Variants in CNTRL observed in about 807,000 individuals in gnomAD.
CNTRL encodes centriolin, also known as 110 kDa centrosomal protein.
CNTRL carries 233 observed loss-of-function variants against 303.7 expected under a neutral mutation model. That is an observed-to-expected ratio of 0.77 (90% CI 0.69 to 0.86). CNTRL has a LOEUF of 0.86. Among genes scored for constraint, CNTRL ranks in the 40% least tolerant of loss-of-function variants. The probability of loss-of-function intolerance (pLI) is 0.00; values close to 1 mark genes in which losing one functional copy is unlikely to be tolerated. For synonymous variants in CNTRL, 900 were observed against 922.2 expected (o/e 0.98, Z 0.44); for missense variants, 2,524 against 2,650.6 (o/e 0.95, Z 1.05).
At chr9:121,171,880 T>C (rs1180881618) in intron 40 of CNTRL, among the ~76,000 whole-genome samples, 2 of 152,118 alleles carry the variant, frequency 1.3e-5, no homozygotes, top group Non-Finnish European at 2.9e-5. Flanking sequence ...AGCCAAAACC[T>C]CCCCTACCCC....
chr9:121,148,794 C>G lies in CNTRL; in HGVS notation c.3582C>G (p.Pro1194=), dbSNP rs559653981. 1.2e-5 allele frequency: 19 copies of G among 1,614,018 alleles called. No individual in the cohort carries two copies. In the South Asian group the frequency reaches 2.0e-4, roughly 17 times the overall value. ...ATGGGAAGGAAGGCAGTCAACCTCC[C>G]CCTGCCTCAGGATACTGGGTTTATT... is the stretch of plus-strand genomic sequence containing the variant. ...QQDGKEGSQP[P]PASGYWVYSP... is the part of the protein sequence containing the mutation. The change falls in exon 24 of 44, where the codon CCC becomes CCG. Residue 1194 remains proline (P), a synonymous_variant. Coordinates refer to ENST00000373855, the MANE Select transcript of CNTRL (RefSeq NM_007018.6).
intron 4 of CNTRL, among the ~76,000 whole-genome samples, chr9:121,092,552 CTA>C (rs1311936602): frequency 6.7e-5 from 1 of 14,950 alleles, no homozygotes; most frequent in African/African-American, 2.1e-4. Context: ...TTATATATAT[CTA>C]TATATATAAT....
At chr9:121,104,976 C>T (rs2049393797) in intron 7 of CNTRL, among the ~76,000 whole-genome samples, 2 of 152,176 alleles carry the variant, frequency 1.3e-5, no homozygotes, top group Admixed American at 1.3e-4. Flanking sequence ...TCCCAAAGTG[C>T]TGGCATTACA....
intron 6 of CNTRL, among the ~76,000 whole-genome samples, chr9:121,097,989 T>G (rs909871312): frequency 1.3e-5 from 2 of 152,198 alleles, no homozygotes; most frequent in Non-Finnish European, 2.9e-5. Context: ...ACTATTCATT[T>G]TTTTGATTTG....
At chr9:121,144,730 T>C (rs1200017939) in intron 20 of CNTRL, 113 bp from the exon 21 acceptor site, 2 of 854,392 alleles carry the variant, frequency 2.3e-6, no homozygotes, top group African/African-American at 1.7e-5. Context: ...TCCCTTTTCA[T>C]GGACAGCCTG....
chr9:121,161,649 G>A (rs2052859401), intron 32 of CNTRL: 1 of 501,848 alleles, frequency 2.0e-6, no homozygotes, highest in African/African-American at 2.0e-5. Flanking sequence ...CACCTGGCTT[G>A]TTAAAATGTT....
intron 8 of CNTRL, among the ~76,000 whole-genome samples, chr9:121,108,509 T>C (rs77973340): frequency 6.6e-6 from 1 of 152,284 alleles, no homozygotes; most frequent in African/African-American, 2.4e-5. Context: ...GTTATTGATA[T>C]GTTTGTGCTG....
intron 27 of CNTRL, among the ~76,000 whole-genome samples, chr9:121,155,233 A>G (rs2052507227): frequency 6.6e-6 from 1 of 152,132 alleles, no homozygotes; most frequent in African/African-American, 2.4e-5. Context: ...TCCTGTGTGT[A>G]TCTTTTATAT....
chr9:121,146,686 A>G (rs1036157213), intron 23 of CNTRL, among the ~76,000 whole-genome samples: 2 of 152,220 alleles, frequency 1.3e-5, no homozygotes, highest in Admixed American at 1.3e-4. Flanking sequence ...CCCTGCTCTC[A>G]AAGAGTTCAT....
chr9:121,174,733 C>T (rs1057489479), intron 42 of CNTRL, among the ~76,000 whole-genome samples: 1 of 152,034 alleles, frequency 6.6e-6, no homozygotes, highest in Non-Finnish European at 1.5e-5. Flanking sequence ...AGAGATGAGG[C>T]AATAATTTAA....
Position 121,098,660 on chromosome 9 carries a change from TAATGCTATTAA to T in CNTRL, c.808+93_808+103del. The T allele has an allele frequency of 3.5e-6, 3 of 848,426 alleles. No homozygotes were observed. The South Asian group carries it at 5.6e-5, about 16-fold the overall frequency. 52.6% of individuals were successfully genotyped at this position (848,426 alleles called of 1,614,324 possible). ...CTAGAAATATGTATCATGAACTTTA[TAATGCTATTAA>T]AATGTACATGGGAAATGGCAGCATA... On this transcript the variant is annotated intron_variant, in intron 7 of 43. Coordinates refer to ENST00000373855, the MANE Select transcript of CNTRL (RefSeq NM_007018.6).
Position 121,168,081 on chromosome 9 carries a change from T to G in CNTRL, c.5845-15T>G, listed in dbSNP as rs2053163341. On this transcript the variant is annotated splice_polypyrimidine_tract_variant and intron_variant, in intron 37 of 43. Coordinates refer to ENST00000373855, the MANE Select transcript of CNTRL (RefSeq NM_007018.6). ...TTTGTTGTTTAATGACTAATCAAGA[T>G]TATTCTTTATTAAGATGTTTCAGAG... 1 of 1,589,834 alleles carries G rather than the reference T, an allele frequency of 6.3e-7. No individual in the cohort carries two copies. Among genetic ancestry groups the G allele is most frequent in the Non-Finnish European group, 8.6e-7 (1 of 1,162,812 alleles).
chr9:121,171,454 T>C lies in CNTRL; in HGVS notation c.6323T>C (p.Ile2108Thr), dbSNP rs756939185. ...NSCIQKEMAT[I>T]ELVAQDNHER... ...TGCATACAAAAGGAAATGGCAACAA[T>C]TGAACTGGTAGCCCAGGACAACCAT... Residue 2108 changes from isoleucine to threonine, a missense_variant, in exon 40 of 44, where the codon ATT becomes ACT. Ile to Thr is a moderately conservative substitution (Grantham distance 89, BLOSUM62 -1). Coordinates refer to ENST00000373855, the MANE Select transcript of CNTRL (RefSeq NM_007018.6). 4 of 1,613,928 alleles carry C rather than the reference T, an allele frequency of 2.5e-6. No homozygotes were observed. The highest frequency in any genetic ancestry group is 1.3e-5 in the African/African-American group (1 of 74,888).
chr9:121,111,784 A>G (rs1227379595), intron 8 of CNTRL, among the ~76,000 whole-genome samples: 2 of 152,130 alleles, frequency 1.3e-5, no homozygotes, highest in Non-Finnish European at 2.9e-5. Flanking sequence ...AAATTCAGAG[A>G]ATTAGATTGG....
intron 12 of CNTRL, among the ~76,000 whole-genome samples, chr9:121,123,193 G>A (rs931740143): frequency 6.6e-6 from 1 of 151,988 alleles, no homozygotes; most frequent in Non-Finnish European, 1.5e-5. Flanking sequence ...TTCCACCCAG[G>A]TATAATTCTT....
chr9:121,122,386 G>A, intron 12 of CNTRL: 1 of 985,046 alleles, frequency 1.0e-6, no homozygotes, highest in Non-Finnish European at 1.2e-6. Context: ...CCACTCTTTT[G>A]TTCATCAGAA....
In CNTRL at chr9:121,171,532, C is replaced by T. The variant is rs538492450; in HGVS notation, c.6401C>T (p.Thr2134Met). Reference protein sequence around the residue: ...KELNQMQYEYTELKKQMANQK... With the variant: ...KELNQMQYEYMELKKQMANQK... ...CTCAACCAGATGCAGTATGAGTACA[C>T]GGAGCTCAAGAAACAGGTGTGTGCC... The change falls in exon 40 of 44, where the codon ACG becomes ATG. Residue 2134 changes from threonine (T) to methionine (M), a missense_variant. Transcript: ENST00000373855. 16 of 1,613,590 alleles carry T rather than the reference C, an allele frequency of 9.9e-6. No individual in the cohort carries two copies. Among genetic ancestry groups the T allele is most frequent in the South Asian group, 5.5e-5 (5 of 91,012 alleles).
intron 7 of CNTRL, among the ~76,000 whole-genome samples, chr9:121,104,694 A>ATT (rs10693661): frequency 0.33 from 31,893 of 96,026 alleles, 6,474 homozygotes; most frequent in South Asian, 0.62. Flanking sequence ...GCCACTGGCA[A>ATT]TTTTTTTTTT....
Position 121,173,757 on chromosome 9 carries a change from A to G in CNTRL, c.6747+20A>G. 2 of 1,612,096 alleles carry G rather than the reference A, an allele frequency of 1.2e-6. No homozygotes were observed. Among genetic ancestry groups the G allele is most frequent in the Non-Finnish European group, 1.7e-6 (2 of 1,178,266 alleles). On this transcript the variant is annotated intron_variant, in intron 42 of 43. Transcript: ENST00000373855. ...CTCAAGGTTGCCCTTTAAAACAAAC[A>G]AAAAATCAGTATGAGATACTGGGCA...
Sources: gnomAD v4.1 joint callset for allele counts (sites outside exome capture counted in the v4.1 genomes callset) on GRCh38, gnomAD v4.1.1 for gene constraint, MANE v1.5 for transcripts, NCBI Gene and HGNC (gene_info 2026-07-23, HGNC 2026-07-21) for gene names.